Variants in TPM3 observed in about 807,000 individuals in gnomAD.
TPM3 encodes tropomyosin 3, also known as tropomyosin alpha-3 chain.
In TPM3, 16 loss-of-function variants were observed where a neutral mutation model predicts 43.1. That is an observed-to-expected ratio of 0.37 (90% CI 0.25 to 0.56). The LOEUF (loss-of-function observed/expected upper bound fraction) is 0.56. Among genes scored for constraint, TPM3 ranks in the 20% least tolerant of loss-of-function variants. The probability of loss-of-function intolerance (pLI) is 0.77; values close to 1 mark genes in which losing one functional copy is unlikely to be tolerated. For missense variants in TPM3, 176 were observed against 337.2 expected (o/e 0.52, Z 3.74); for synonymous variants, 101 against 116.9 (o/e 0.86, Z 0.88).
downstream of TPM3, among the ~76,000 whole-genome samples, chr1:154,161,171 C>T (rs1660324735): frequency 1.5e-5 from 2 of 137,318 alleles, no homozygotes; most frequent in African/African-American, 2.7e-5. Flanking sequence ...ATCCAAAACA[C>T]TTCTGCTCCC....
intron 2 of TPM3, among the ~76,000 whole-genome samples, chr1:154,178,427 C>A (rs868088061): frequency 2.0e-5 from 3 of 152,194 alleles, no homozygotes; most frequent in Admixed American, 6.5e-5. Context: ...GCTTCAGAGA[C>A]CCCCTCCAGG....
chr1:154,160,292 A>G (rs962415316), downstream of TPM3, among the ~76,000 whole-genome samples: 1 of 152,214 alleles, frequency 6.6e-6, no homozygotes, highest in Admixed American at 6.5e-5. Context: ...CAGGATCTCA[A>G]TATGAAAAAG....
intron 2 of TPM3, among the ~76,000 whole-genome samples, chr1:154,184,171 C>T (rs1040501203): frequency 1.3e-5 from 2 of 151,958 alleles, no homozygotes; most frequent in African/African-American, 2.4e-5. Context: ...CTCAGCCTCC[C>T]GAGTAGCGCC....
chr1:154,174,407 T>TATATATATATATATACACAC (rs1261318136), intron 3 of TPM3, among the ~76,000 whole-genome samples: 8 of 72,690 alleles, frequency 1.1e-4, no homozygotes, highest in South Asian at 5.6e-4. Flanking sequence ...TATATATATA[T>TATATATATATATATACACAC]ACACACAAAA....
At position 154,163,947 on chromosome 1, in the gene TPM3, T is replaced by A. The variant is rs1400523797; in HGVS notation, c.*3990A>T. ...CGTGCCTGGCCTCTTTTTTTTGTAT[T>A]TGCAATTGTCCTTCATGGTTCTAAT... On this transcript the variant is annotated 3_prime_UTR_variant, in exon 10 of 10. Transcript: ENST00000651641. Among the ~76,000 whole-genome samples, 1 of 151,928 alleles carries A rather than the reference T, an allele frequency of 6.6e-6. No individual in the cohort carries two copies. The highest frequency in any genetic ancestry group is 1.5e-5 in the Non-Finnish European group (1 of 67,936).
rs562211480 is a variant in TPM3 at position 154,186,386 on chromosome 1, T to C, written c.243+4800A>G. 4.0e-5 allele frequency among the ~76,000 whole-genome samples: 6 copies of C among 151,646 alleles called. 1 individual carries two copies. In the South Asian group the frequency reaches 1.2e-3, roughly 31 times the overall value. The stretch of plus-strand genomic sequence containing the variant: ...TCTGAGACTGGTAGATTTGAGCAGA[T>C]AATCTCCTCTTAATGCAGTCAAACA... On this transcript the variant is annotated intron_variant, in intron 2 of 9. Transcript: ENST00000651641.
chr1:154,166,784 C>T lies in TPM3; in HGVS notation c.*1153G>A, dbSNP rs1661030566. On this transcript the variant is annotated 3_prime_UTR_variant, in exon 10 of 10. Transcript: ENST00000651641. ...GCAACCTCCGCCTCCCAGGTGCAAG[C>T]GATTCTCCTGCCTCAGCCTCCCGAG... The T allele has an allele frequency of 6.8e-6, 5 of 732,940 alleles. No homozygotes were observed. Among genetic ancestry groups the T allele is most frequent in the Non-Finnish European group, 8.3e-6 (5 of 600,108 alleles). The allele number at this position is 732,940 out of a possible 1,614,324, so 45.4% of individuals were successfully genotyped here.
downstream of TPM3, chr1:154,158,765 A>T (rs1660060579): frequency 5.2e-6 from 3 of 572,810 alleles, no homozygotes; most frequent in African/African-American, 3.7e-5. Context: ...CTTCACCCAT[A>T]ATCTCTTCTA....
Position 154,172,798 on chromosome 1 carries a change from A to G in TPM3, c.566+110T>C. On this transcript the variant is annotated intron_variant, in intron 5 of 9. Coordinates refer to ENST00000651641, the MANE Select transcript of TPM3 (RefSeq NM_152263.4). ...GCACTATAGATGACTCCCATTCCCTAGGCCCTGTTTAACAAGGTTGAAGGA... is the reference window on the plus strand; with the variant it reads ...GCACTATAGATGACTCCCATTCCCTGGGCCCTGTTTAACAAGGTTGAAGGA... The G allele has an allele frequency of 2.2e-6, 3 of 1,364,816 alleles. No individual in the cohort carries two copies. The South Asian group carries it at 3.5e-5, about 16-fold the overall frequency. The allele number at this position is 1,364,816 out of a possible 1,614,324, so 84.5% of individuals were successfully genotyped here.
chr1:154,172,465 C>T, intron 5 of TPM3: 1 of 507,820 alleles, frequency 2.0e-6, no homozygotes, highest in South Asian at 1.5e-5. Flanking sequence ...CCTATGACGC[C>T]CAGGCTGGCC....
intron 8 of TPM3, 82 bp downstream of exon 8, chr1:154,170,318 G>A: frequency 1.4e-6 from 2 of 1,476,064 alleles, no homozygotes; most frequent in Non-Finnish European, 1.9e-6. Context: ...ACTTCCTTTG[G>A]TGTACAGAAA....
chr1:154,168,420 G>A (rs1028171260), intron 9 of TPM3, among the ~76,000 whole-genome samples: 5 of 152,142 alleles, frequency 3.3e-5, no homozygotes, highest in African/African-American at 1.2e-4. Context: ...GACTAAATTT[G>A]AGAAGCAAAT....
downstream of TPM3, chr1:154,156,042 C>A (rs1007500774): frequency 1.1e-5 from 2 of 178,204 alleles, no homozygotes; most frequent in East Asian, 9.4e-5. Flanking sequence ...ACCAGCCTGG[C>A]CAACATGGTG....
Position 154,176,054 on chromosome 1 carries a change from AT to A in TPM3, c.377+60del. 3 of 1,610,322 alleles carry A rather than the reference AT, an allele frequency of 1.9e-6. No individual in the cohort carries two copies. In the Admixed American group the frequency reaches 5.0e-5, roughly 27 times the overall value. ...ATTTAGAAAACAGGTCTATAAGGAA[AT>A]CTTGATCAGAACTATTATGAACTTT... On this transcript the variant is annotated intron_variant, in intron 3 of 9. Coordinates refer to ENST00000651641, the MANE Select transcript of TPM3 (RefSeq NM_152263.4).
At chr1:154,183,375 G>C in intron 2 of TPM3, 1 of 1,290,466 alleles carries the variant, frequency 7.7e-7, no homozygotes, top group South Asian at 1.5e-5. Flanking sequence ...CCTTGGGCCA[G>C]TAAACTGGGA....
chr1:154,164,897 A>G lies in TPM3; in HGVS notation c.*3040T>C, dbSNP rs182736258. Among the ~76,000 whole-genome samples, 381 of 152,348 alleles carry G rather than the reference A, an allele frequency of 2.5e-3. No individual in the cohort carries two copies. The highest frequency in any genetic ancestry group is 8.7e-3 in the African/African-American group (361 of 41,576). ...ATTAGTTACCAAATTAATTCTTCTT[A>G]TATGTTATTCAGATCACAACATATC... On this transcript the variant is annotated 3_prime_UTR_variant, in exon 10 of 10. Coordinates refer to ENST00000651641, the MANE Select transcript of TPM3 (RefSeq NM_152263.4).
intron 2 of TPM3, among the ~76,000 whole-genome samples, chr1:154,189,463 G>C (rs2148292318): frequency 6.6e-6 from 1 of 151,622 alleles, no homozygotes; most frequent in South Asian, 2.1e-4. Context: ...ACTCCAGCCT[G>C]GGCAACAGAG....
chr1:154,171,817 C>A, intron 5 of TPM3: 3 of 666,866 alleles, frequency 4.5e-6, no homozygotes, highest in Non-Finnish European at 7.9e-6. Context: ...CCAAATCACC[C>A]AAAGGAAGGA....
rs1661117165 is a variant in TPM3, at chr1:154,167,601, A to T, written c.*336T>A. ...TCAGCTGAGTTTAAATGTCAAGAAA[A>T]AATAGACACACACAAAAGTGGCTTT... On this transcript the variant is annotated 3_prime_UTR_variant, in exon 10 of 10. Coordinates refer to ENST00000651641, the MANE Select transcript of TPM3 (RefSeq NM_152263.4). 8.2e-7 allele frequency: 1 copy of T among 1,215,450 alleles called. No homozygotes were observed. Among genetic ancestry groups the T allele is most frequent in the African/African-American group, 1.5e-5 (1 of 66,308 alleles). 75.3% of individuals were successfully genotyped at this position (1,215,450 alleles called of 1,614,324 possible). A position where few individuals can be genotyped will look rare whatever the true frequency, so the allele number is the denominator to read the frequency against.
Sources: allele counts gnomAD v4.1 joint callset (sites outside exome capture counted in the v4.1 genomes callset), GRCh38; gene constraint gnomAD v4.1.1; transcripts MANE v1.5; gene names NCBI Gene and HGNC (gene_info 2026-07-23, HGNC 2026-07-21).